The following CHST8 variants were observed in gnomAD, a reference collection of about 807,000 sequenced individuals.
The protein encoded by CHST8 is carbohydrate sulfotransferase 8.
Under a neutral mutation model 15.0 loss-of-function variants are expected in CHST8, and 10 were observed. That is an observed-to-expected ratio of 0.67 (90% CI 0.41 to 1.13). The LOEUF (loss-of-function observed/expected upper bound fraction) is 1.13. Ranked by LOEUF, CHST8 falls within the 50% of genes most tolerant of loss-of-function variation. CHST8 has a pLI of 0.00. For synonymous variants in CHST8, 259 were observed against 256.6 expected (o/e 1.01, Z -0.09); for missense variants, 634 against 608.2 (o/e 1.04, Z -0.45).
At chr19:33,741,598 G>C (rs954901481) in intron 3 of CHST8, among the ~76,000 whole-genome samples, 6 of 152,106 alleles carry the variant, frequency 3.9e-5, no homozygotes, top group African/African-American at 1.2e-4. Flanking sequence ...ATGGGATTCT[G>C]GTGGGACTTG....
At chr19:33,686,288 T>G (rs1972978843) in intron 2 of CHST8, among the ~76,000 whole-genome samples, 1 of 152,130 alleles carries the variant, frequency 6.6e-6, no homozygotes, top group Non-Finnish European at 1.5e-5. Context: ...TTTGGGGGCA[T>G]GGATCTGGTC....
intron 3 of CHST8, among the ~76,000 whole-genome samples, chr19:33,696,572 A>T (rs558414898): frequency 1.3e-4 from 20 of 152,268 alleles, no homozygotes; most frequent in African/African-American, 4.6e-4. Flanking sequence ...TATATATTAC[A>T]ATGTAATAGT....
chr19:33,711,647 T>G (rs1973552711), intron 3 of CHST8, among the ~76,000 whole-genome samples: 1 of 152,208 alleles, frequency 6.6e-6, no homozygotes, highest in Admixed American at 6.5e-5. Context: ...TATTTACTTT[T>G]TTTGGTGAGA....
chr19:33,658,953 C>G (rs1037248889), intron 1 of CHST8, among the ~76,000 whole-genome samples: 2 of 151,110 alleles, frequency 1.3e-5, no homozygotes, highest in African/African-American at 4.9e-5. Flanking sequence ...TATTCTTCTT[C>G]TAATGGAAAT....
At chr19:33,642,727 C>G (rs528130896) in intron 1 of CHST8, among the ~76,000 whole-genome samples, 129 of 152,326 alleles carry the variant, frequency 8.5e-4, no homozygotes, top group African/African-American at 3.1e-3. Context: ...AAAGTCTTAC[C>G]GTCCTTTGAA....
chr19:33,747,155 G>A (rs1011078219), intron 3 of CHST8, among the ~76,000 whole-genome samples: 1 of 152,192 alleles, frequency 6.6e-6, no homozygotes, highest in African/African-American at 2.4e-5. Context: ...TAAAGAACGA[G>A]GGGGCAGATT....
intron 1 of CHST8, among the ~76,000 whole-genome samples, chr19:33,639,294 C>T (rs1018563458): frequency 6.6e-6 from 1 of 151,956 alleles, no homozygotes; most frequent in Non-Finnish European, 1.5e-5. Flanking sequence ...ACACTGCAGA[C>T]GTGTAATTAA....
chr19:33,639,636 C>T (rs1568311085), intron 1 of CHST8, among the ~76,000 whole-genome samples: 1 of 151,966 alleles, frequency 6.6e-6, no homozygotes, highest in Non-Finnish European at 1.5e-5. Flanking sequence ...GTGTGGAGAT[C>T]GTTGATGGGT....
intron 4 of CHST8, 123 bp from the exon 5 acceptor site, chr19:33,771,834 G>A: frequency 8.3e-7 from 1 of 1,202,498 alleles, no homozygotes; most frequent in East Asian, 2.4e-5. Context: ...CACCTACAGA[G>A]TCAGCCTGTC....
chr19:33,627,311 C>G (rs1249382487), intron 1 of CHST8, among the ~76,000 whole-genome samples: 4 of 151,522 alleles, frequency 2.6e-5, no homozygotes, highest in South Asian at 4.2e-4. Flanking sequence ...GGGGTTTCAC[C>G]ATGTTGGCCT....
At chr19:33,697,419 A>G (rs1973240516) in intron 3 of CHST8, among the ~76,000 whole-genome samples, 1 of 151,430 alleles carries the variant, frequency 6.6e-6, no homozygotes, top group Non-Finnish European at 1.5e-5. Context: ...TTTGGTAGAG[A>G]CGGGGTTTCG....
At chr19:33,731,650 G>A (rs1315714023) in intron 3 of CHST8, among the ~76,000 whole-genome samples, 3 of 152,144 alleles carry the variant, frequency 2.0e-5, no homozygotes. Flanking sequence ...AGCCCAGTAG[G>A]TCTCAGCCTT....
intron 2 of CHST8, among the ~76,000 whole-genome samples, chr19:33,676,750 A>G (rs1972815162): frequency 7.4e-6 from 1 of 135,156 alleles, no homozygotes; most frequent in Non-Finnish European, 1.6e-5. Context: ...TATAGCATGT[A>G]CCTGTGGTCC....
At chr19:33,672,149 A>G (rs1972746118) in intron 2 of CHST8, among the ~76,000 whole-genome samples, 1 of 152,162 alleles carries the variant, frequency 6.6e-6, no homozygotes. Context: ...TATGGTTTAT[A>G]TAAGTGGTGG....
At chr19:33,649,610 A>G (rs574744131) in intron 1 of CHST8, among the ~76,000 whole-genome samples, 1 of 152,320 alleles carries the variant, frequency 6.6e-6, no homozygotes, top group Admixed American at 6.5e-5. Context: ...CATGCACGTT[A>G]CATGCGTCCC....
intron 3 of CHST8, among the ~76,000 whole-genome samples, chr19:33,731,564 G>C (rs989493064): frequency 6.6e-6 from 1 of 152,200 alleles, no homozygotes; most frequent in African/African-American, 2.4e-5. Context: ...TTATCAGCAA[G>C]GTCTTTGTGA....
At chr19:33,703,354 G>C (rs529276576) in intron 3 of CHST8, among the ~76,000 whole-genome samples, 2 of 152,362 alleles carry the variant, frequency 1.3e-5, no homozygotes, top group Middle Eastern at 3.4e-3. Context: ...TCCTAACACA[G>C]GCAGCAGGGA....
chr19:33,637,170 G>C (rs1972215547), intron 1 of CHST8, among the ~76,000 whole-genome samples: 1 of 152,132 alleles, frequency 6.6e-6, no homozygotes. Flanking sequence ...GTAGCTTTTG[G>C]CTGGCTTCTT....
At chr19:33,693,032 G>A (rs1423394772) in intron 3 of CHST8, among the ~76,000 whole-genome samples, 2 of 146,180 alleles carry the variant, frequency 1.4e-5, no homozygotes, top group Non-Finnish European at 3.0e-5. Context: ...TTGAGATGGA[G>A]TTTCGTTCTT....
Sources: gnomAD v4.1 joint callset for allele counts (sites outside exome capture counted in the v4.1 genomes callset) on GRCh38, gnomAD v4.1.1 for gene constraint, MANE v1.5 for transcripts, NCBI Gene and HGNC (gene_info 2026-07-23, HGNC 2026-07-21) for gene names.